JADE1: variants seen among roughly 807,000 people sequenced by gnomAD.
The protein encoded by JADE1 is protein Jade-1.
A neutral mutation model predicts 81.8 loss-of-function variants in JADE1; 14 were observed. The ratio of observed to expected loss-of-function variants is 0.17; its 90% CI spans 0.11 to 0.27. The LOEUF (loss-of-function observed/expected upper bound fraction) is 0.27, where lower values mean the gene tolerates loss of function less well. JADE1 is among the 10% of genes least tolerant of loss of function. JADE1 has a pLI of 1.00. For synonymous variants in JADE1, 353 were observed against 391.9 expected (o/e 0.90, Z 1.17); for missense variants, 690 against 1,047.9 (o/e 0.66, Z 4.71).
intron 8 of JADE1, among the ~76,000 whole-genome samples, chr4:128,859,324 ATGTATGC>A (rs1457650611): frequency 1.3e-5 from 2 of 151,136 alleles, no homozygotes; most frequent in African/African-American, 2.4e-5. Flanking sequence ...GGTTATGCAT[ATGTATGC>A]TGTATGCATG....
At chr4:128,852,861 G>A (rs901706296) in intron 6 of JADE1, among the ~76,000 whole-genome samples, 6 of 151,964 alleles carry the variant, frequency 3.9e-5, no homozygotes, top group Non-Finnish European at 7.4e-5. Context: ...CTTGGCTCGC[G>A]GCTGCCTTCA....
At chr4:128,812,645 C>G (rs1167624320) in intron 1 of JADE1, among the ~76,000 whole-genome samples, 3 of 152,190 alleles carry the variant, frequency 2.0e-5, no homozygotes, top group Admixed American at 6.5e-5. Flanking sequence ...GCAGTCCCGG[C>G]GCCGGTGAAT....
Position 128,861,830 on chromosome 4 carries a change from T to A in JADE1, c.1108T>A (p.Ser370Thr), listed in dbSNP as rs1264016476. The A allele has an allele frequency of 1.2e-6, 2 of 1,613,982 alleles. No homozygotes were observed. Among genetic ancestry groups the A allele is most frequent in the Non-Finnish European group, 1.7e-6 (2 of 1,180,030 alleles). Residue 370 changes from serine to threonine, a missense_variant, in exon 9 of 11, where the codon TCA becomes ACA. Coordinates refer to ENST00000226319, the MANE Select transcript of JADE1 (RefSeq NM_199320.4). ...CAAGTCCTATTGCCCAAAGCACAGC[T>A]CACATAGGAAACCCGAGGAGAGTCT... ...KFKSYCPKHS[S>T]HRKPEESLGK...
At position 128,872,276 on chromosome 4, in the gene JADE1, A is replaced by C; in HGVS notation, c.*14A>C. 3 of 1,608,934 alleles carry C rather than the reference A, an allele frequency of 1.9e-6. No individual in the cohort carries two copies. The South Asian group carries it at 3.3e-5, about 18-fold the overall frequency. The stretch of plus-strand genomic sequence containing the variant: ...TTGGCTTCTTGATGCAACAGAGATG[A>C]TGCGGAAGCCCTTTGGGCTCGTCAT... On this transcript the variant is annotated 3_prime_UTR_variant, in exon 11 of 11. Transcript: ENST00000226319.
intron 1 of JADE1, among the ~76,000 whole-genome samples, chr4:128,825,399 G>A (rs1387624183): frequency 1.3e-5 from 2 of 152,084 alleles, no homozygotes; most frequent in African/African-American, 4.8e-5. Context: ...TTCTTTCTTA[G>A]AATCATCACA....
chr4:128,812,057 T>C (rs1447803855), intron 1 of JADE1: 1 of 151,496 alleles, frequency 6.6e-6, no homozygotes, highest in Non-Finnish European at 1.5e-5. Context: ...GAGGGAGCGT[T>C]TGATTTGCAA....
At chr4:128,839,182 G>A (rs573793845) in intron 2 of JADE1, among the ~76,000 whole-genome samples, 75 of 152,264 alleles carry the variant, frequency 4.9e-4, no homozygotes, top group African/African-American at 1.4e-3. Context: ...TAAATTCTGC[G>A]TCTTATACCA....
chr4:128,862,659 G>A (rs1731438521), intron 9 of JADE1: 1 of 1,015,732 alleles, frequency 9.8e-7, no homozygotes, highest in Non-Finnish European at 1.2e-6. Context: ...AAAATTTCTT[G>A]TTCAGTCCGG....
chr4:128,852,896 C>G (rs577734606), intron 6 of JADE1, among the ~76,000 whole-genome samples: 1 of 151,840 alleles, frequency 6.6e-6, no homozygotes, highest in East Asian at 1.9e-4. Context: ...CTCCCTGTGT[C>G]TCTGTCTTCA....
At chr4:128,854,377 G>A (rs1294065087) in intron 6 of JADE1, among the ~76,000 whole-genome samples, 1 of 152,016 alleles carries the variant, frequency 6.6e-6, no homozygotes, top group African/African-American at 2.4e-5. Flanking sequence ...ATTTAGACCT[G>A]CTTTTCCAGG....
intron 8 of JADE1, among the ~76,000 whole-genome samples, chr4:128,858,259 C>G (rs890078525): frequency 4.6e-5 from 7 of 152,114 alleles, no homozygotes; most frequent in African/African-American, 1.4e-4. Flanking sequence ...GTCTAAGACC[C>G]TACTGAGAAG....
intron 1 of JADE1, among the ~76,000 whole-genome samples, chr4:128,818,081 A>G (rs1280638645): frequency 1.3e-5 from 2 of 151,722 alleles, no homozygotes; most frequent in Non-Finnish European, 2.9e-5. Context: ...AGTTGCTTAG[A>G]GGTCTCCTCA....
chr4:128,815,348 C>G (rs891034828), intron 1 of JADE1, among the ~76,000 whole-genome samples: 1 of 152,190 alleles, frequency 6.6e-6, no homozygotes, highest in Admixed American at 6.5e-5. Context: ...GATCCGCCCG[C>G]CTCAGCCTCC....
rs1365816722 is a variant in JADE1 at position 128,872,044 on chromosome 4, C to A, written c.2311C>A (p.His771Asn). 3.1e-6 allele frequency: 5 copies of A among 1,613,846 alleles called. No individual in the cohort carries two copies. Among genetic ancestry groups the A allele is most frequent in the Non-Finnish European group, 3.4e-6 (4 of 1,179,972 alleles). Residue 771 changes from histidine to asparagine, a missense_variant, in exon 11 of 11, where the codon CAC (histidine) becomes AAC (asparagine). Physicochemically the swap from His to Asn is moderately conservative, Grantham distance 68. Coordinates refer to ENST00000226319, the MANE Select transcript of JADE1 (RefSeq NM_199320.4). The part of the protein sequence containing the change: ...QQGEAHDGAC[H>N]QHSDYPYLGL... ...GGGAGAGGCCCACGATGGGGCCTGC[C>A]ACCAGCACTCAGACTACCCATATTT...
intron 9 of JADE1, chr4:128,862,991 G>A: frequency 2.0e-6 from 2 of 985,744 alleles, no homozygotes; most frequent in Non-Finnish European, 2.4e-6. Context: ...GGACAGGGGT[G>A]TCAGATCTGT....
At chr4:128,863,402 T>A (rs1362171434) in intron 9 of JADE1, 10 of 985,366 alleles carry the variant, frequency 1.0e-5, no homozygotes, top group Non-Finnish European at 1.2e-5. Context: ...CCAAGTGGCC[T>A]GAAACAGTGT....
intron 1 of JADE1, among the ~76,000 whole-genome samples, chr4:128,826,050 T>C (rs1728031032): frequency 1.3e-5 from 2 of 152,236 alleles, no homozygotes; most frequent in South Asian, 2.1e-4. Context: ...TAGGTAGTCT[T>C]CCTCTTTTTG....
intron 8 of JADE1, among the ~76,000 whole-genome samples, chr4:128,861,203 A>G (rs969939929): frequency 1.3e-5 from 2 of 152,208 alleles, no homozygotes; most frequent in Non-Finnish European, 2.9e-5. Context: ...TGGACTTTGC[A>G]TATTGAGTAC....
chr4:128,843,776 T>C (rs17013784), intron 3 of JADE1, among the ~76,000 whole-genome samples: 2,129 of 152,314 alleles, frequency 0.014, 49 homozygotes, highest in African/African-American at 0.048. Flanking sequence ...CTGCTTCTTA[T>C]GGGATGAGTT....
Sources: gnomAD v4.1 joint callset for allele counts (sites outside exome capture counted in the v4.1 genomes callset) on GRCh38, gnomAD v4.1.1 for gene constraint, MANE v1.5 for transcripts, NCBI Gene and HGNC (gene_info 2026-07-23, HGNC 2026-07-21) for gene names.